DOCK8: variants seen among roughly 807,000 people sequenced by gnomAD.
The protein encoded by DOCK8 is dedicator of cytokinesis 8.
A neutral mutation model predicts 245.6 loss-of-function variants in DOCK8; 141 were observed. The observed-to-expected ratio is 0.57, with a 90% CI of 0.50 to 0.66. The LOEUF (loss-of-function observed/expected upper bound fraction) is 0.66. Among genes scored for constraint, DOCK8 ranks in the 30% least tolerant of loss-of-function variants. The probability of loss-of-function intolerance (pLI) is 0.00; values close to 1 mark genes in which losing one functional copy is unlikely to be tolerated. For synonymous variants in DOCK8, 1,168 were observed against 970.2 expected, an observed-to-expected ratio of 1.20 and a Z score of -3.79; for missense variants, 2,965 against 2,603.4, an observed-to-expected ratio of 1.14 and a Z score of -3.02.
At chr9:306,430 T>C (rs1421417838) in intron 5 of DOCK8, among the ~76,000 whole-genome samples, 4 of 152,220 alleles carry the variant, frequency 2.6e-5, no homozygotes, top group South Asian at 4.1e-4. Context: ...TGCTGACCAA[T>C]TAAATTGTTC....
chr9:340,447 C>T (rs755201407), intron 14 of DOCK8, 126 bp downstream of exon 14: 31 of 1,221,368 alleles, frequency 2.5e-5, no homozygotes, highest in South Asian at 3.8e-5. Context: ...ATGGCAAAAC[C>T]GTGTCTCTAC....
chr9:308,014 T>A (rs1378774737), intron 5 of DOCK8, among the ~76,000 whole-genome samples: 1 of 152,124 alleles, frequency 6.6e-6, no homozygotes, highest in East Asian at 1.9e-4. Context: ...GTTGATCTCA[T>A]AGAAGTAGAG....
chr9:463,786 G>T, intron 47 of DOCK8, 99 bp downstream of exon 47: 1 of 1,438,764 alleles, frequency 7.0e-7, no homozygotes, highest in Non-Finnish European at 9.7e-7. Context: ...GGGAGCTGCA[G>T]AACCTCGAAA....
intron 5 of DOCK8, among the ~76,000 whole-genome samples, chr9:307,010 G>T (rs1004884670): frequency 6.6e-6 from 1 of 152,128 alleles, no homozygotes; most frequent in Non-Finnish European, 1.5e-5. Flanking sequence ...GTAAGATAAG[G>T]GTGATTCTGG....
intron 21 of DOCK8, 79 bp from the exon 22 acceptor site, chr9:382,434 C>T (rs2053758515): frequency 2.5e-6 from 4 of 1,588,594 alleles, no homozygotes; most frequent in Admixed American, 3.3e-5. Context: ...CCACCCTATC[C>T]CTCTTCAATT....
chr9:283,783 T>G (rs1364384732), intron 2 of DOCK8, among the ~76,000 whole-genome samples: 2 of 152,236 alleles, frequency 1.3e-5, no homozygotes, highest in African/African-American at 4.8e-5. Flanking sequence ...AAATATTGTT[T>G]AAAATTACCT....
At chr9:285,463 C>G (rs2048782196) in intron 2 of DOCK8, among the ~76,000 whole-genome samples, 1 of 152,054 alleles carries the variant, frequency 6.6e-6, no homozygotes, top group African/African-American at 2.4e-5. Flanking sequence ...ACAGTAACTT[C>G]CCCACCACCC....
intron 46 of DOCK8, chr9:458,458 A>G (rs879756599): frequency 6.6e-6 from 1 of 152,232 alleles, no homozygotes; most frequent in African/African-American, 2.4e-5. Context: ...ATATTGAGAA[A>G]ACAACTAACG....
intron 26 of DOCK8, among the ~76,000 whole-genome samples, chr9:403,808 T>G (rs2055223025): frequency 6.7e-6 from 1 of 148,546 alleles, no homozygotes; most frequent in Admixed American, 6.8e-5. Flanking sequence ...AAGGTTGCAG[T>G]GAGCCGAGAT....
Position 436,308 on chromosome 9 carries a change from A to G in DOCK8, c.5079+1333A>G, listed in dbSNP as rs990351917. Among the ~76,000 whole-genome samples the G allele has an allele frequency of 4.6e-5, 7 of 152,266 alleles. No homozygotes were observed. The South Asian group carries it at 1.2e-3, about 27-fold the overall frequency. ...ATAATTAAATCTCATCCAAAAGCAT[A>G]AAAATAACACCTGATTTCAAATCAC... On this transcript the variant is annotated intron_variant, in intron 39 of 47. Transcript: ENST00000432829.
intron 1 of DOCK8, among the ~76,000 whole-genome samples, chr9:243,243 G>T (rs769910007): frequency 1.2e-4 from 18 of 152,120 alleles, no homozygotes; most frequent in Non-Finnish European, 2.5e-4. Flanking sequence ...ACCTTTATAT[G>T]TTTCTTTACG....
Position 355,904 on chromosome 9 carries a change from A to G in DOCK8, c.1680-12114A>G, listed in dbSNP as rs147333696. Among the ~76,000 whole-genome samples the G allele has an allele frequency of 2.1e-4, 32 of 152,342 alleles. 1 individual carries two copies. The highest frequency in any genetic ancestry group is 7.5e-4 in the African/African-American group (31 of 41,580). On this transcript the variant is annotated intron_variant, in intron 14 of 47. Coordinates refer to ENST00000432829, the MANE Select transcript of DOCK8 (RefSeq NM_203447.4). Reference sequence around the variant, plus strand: ...GTAGCTATGGAAAGGTGAGATTTGCAGGCTGTCTGAAATGTTTCTTGCTAA... The same window carrying G: ...GTAGCTATGGAAAGGTGAGATTTGCGGGCTGTCTGAAATGTTTCTTGCTAA...
intron 1 of DOCK8, among the ~76,000 whole-genome samples, chr9:232,628 G>A (rs565559395): frequency 3.0e-4 from 45 of 152,142 alleles, no homozygotes; most frequent in African/African-American, 9.9e-4. Context: ...GTCTTGGGAG[G>A]GTGTATGTGT....
intron 18 of DOCK8, 69 bp downstream of exon 18, chr9:372,355 C>A: frequency 8.0e-7 from 1 of 1,242,854 alleles, no homozygotes; most frequent in South Asian, 1.2e-5. Context: ...CCCAGACTCA[C>A]TTTCCATTCC....
At chr9:338,678 G>A (rs775574074) in intron 12 of DOCK8, among the ~76,000 whole-genome samples, 5 of 152,100 alleles carry the variant, frequency 3.3e-5, no homozygotes, top group Non-Finnish European at 5.9e-5. Context: ...GTATTGTTCC[G>A]GGGGGTAATA....
chr9:420,932 A>ACCTCTGTCT lies in DOCK8; in HGVS notation c.4024-16_4024-8dup, dbSNP rs774670077. ...ATCTCACCAAAGGACATGTCCTCCT[A>ACCTCTGTCT]CCTCTGTCTTGTCCAGGGAAAACAG... On this transcript the variant is annotated splice_polypyrimidine_tract_variant and intron_variant, in intron 31 of 47. Coordinates refer to ENST00000432829, the MANE Select transcript of DOCK8 (RefSeq NM_203447.4). 8.7e-6 allele frequency: 14 copies of ACCTCTGTCT among 1,614,138 alleles called. No homozygotes were observed. In the South Asian group the frequency reaches 1.5e-4, roughly 18 times the overall value.
intron 46 of DOCK8, among the ~76,000 whole-genome samples, chr9:458,880 C>A (rs1336992947): frequency 6.6e-6 from 1 of 152,106 alleles, no homozygotes; most frequent in South Asian, 2.1e-4. Flanking sequence ...CTGTAGGAGA[C>A]CTTAACTCTA....
intron 26 of DOCK8, among the ~76,000 whole-genome samples, chr9:403,568 T>C (rs1331753239): frequency 6.6e-6 from 1 of 152,150 alleles, no homozygotes; most frequent in African/African-American, 2.4e-5. Context: ...GTAAAATGGC[T>C]GAAAATATGT....
intron 10 of DOCK8, among the ~76,000 whole-genome samples, 187 bp from the exon 11 acceptor site, chr9:334,038 A>G (rs925794502): frequency 1.7e-5 from 2 of 118,592 alleles, no homozygotes; most frequent in Admixed American, 9.1e-5. Context: ...TTATTTCCTT[A>G]TCAGCTAGAC....
Sources: gnomAD v4.1 joint callset for allele counts (sites outside exome capture counted in the v4.1 genomes callset) on GRCh38, gnomAD v4.1.1 for gene constraint, MANE v1.5 for transcripts, NCBI Gene and HGNC (gene_info 2026-07-23, HGNC 2026-07-21) for gene names.